The following HLX variants were observed in gnomAD, a reference collection of about 807,000 sequenced individuals.
HLX encodes the protein H2.0-like homeobox protein.
In HLX, 6 loss-of-function variants were observed where a neutral mutation model predicts 27.7. The ratio of observed to expected loss-of-function variants is 0.22; its 90% CI spans 0.12 to 0.43. HLX has a LOEUF of 0.43. Ranked by LOEUF, HLX falls within the 20% of genes least tolerant of loss-of-function variation. The pLI is 1.00. For synonymous variants in HLX, 328 were observed against 293.8 expected (o/e 1.12, Z -1.19); for missense variants, 666 against 655.2 (o/e 1.02, Z -0.18).
chr1:220,881,634 C>A (rs1674448256), intron 2 of HLX: 2 of 560,698 alleles, frequency 3.6e-6, no homozygotes, highest in Admixed American at 3.1e-5. Flanking sequence ...TTCTCGAAGT[C>A]TTTTCGCCCC....
rs760568441 is a variant in HLX, at chr1:220,884,470, C to T, written c.1233C>T (p.Val411=). Residue 411 remains valine, a synonymous_variant, in exon 4 of 4, where the codon GTC becomes GTT. Transcript: ENST00000366903. The surrounding 1 kb of genome is among the most constrained non-coding windows in gnomAD (Gnocchi z 4.9). ...LHQTTVIKAP[V]TGALITASSA... ...AAACAACAGTTATTAAGGCCCCGGT[C>T]ACTGGCGCCCTCATTACCGCCAGCA... 9 of 1,614,046 alleles carry T rather than the reference C, an allele frequency of 5.6e-6. No individual in the cohort carries two copies. In the Admixed American group the frequency reaches 1.5e-4, roughly 27 times the overall value.
At position 220,880,056 on chromosome 1, in the gene HLX, G is replaced by A; in HGVS notation, c.199G>A (p.Ala67Thr). 1 of 1,587,618 alleles carries A rather than the reference G, an allele frequency of 6.3e-7. No homozygotes were observed. The highest frequency in any genetic ancestry group is 1.1e-5 in the South Asian group (1 of 89,834). The change falls in exon 1 of 4, where the codon GCC becomes ACC. Residue 67 changes from alanine (A) to threonine (T), a missense_variant. Ala to Thr is a moderately conservative substitution (Grantham distance 58, BLOSUM62 0). Transcript: ENST00000366903. ...GGCGGCCCCGGAGGGCCTGGCAGGG[G>A]CCTCGGCCGCCGCCCTCACCGCGCA... Reference protein sequence around the residue: ...LGAAPEGLAGASAAALTAHLG... With the variant: ...LGAAPEGLAGTSAAALTAHLG...
At chr1:220,880,523 C>A in intron 1 of HLX, 74 bp downstream of exon 1, 3 of 1,513,426 alleles carry the variant, frequency 2.0e-6, no homozygotes, top group South Asian at 1.1e-5. Context: ...GCTTGGGGTG[C>A]CTTTGAGTGT....
At chr1:220,882,048 G>A in intron 2 of HLX, 116 bp from the exon 3 acceptor site, 1 of 923,714 alleles carries the variant, frequency 1.1e-6, no homozygotes, top group Non-Finnish European at 1.8e-6. Flanking sequence ...GGGTGGAATC[G>A]ACAGTTAACA....
Position 220,884,621 on chromosome 1 carries a change from G to A in HLX, c.1384G>A (p.Glu462Lys), listed in dbSNP as rs769686717. 1.2e-5 allele frequency: 20 copies of A among 1,609,434 alleles called. No individual in the cohort carries two copies. In the Admixed American group the frequency reaches 2.3e-4, roughly 19 times the overall value. Residue 462 changes from glutamate (E) to lysine (K), a missense_variant, in exon 4 of 4, where the codon GAG becomes AAG. Coordinates refer to ENST00000366903, the MANE Select transcript of HLX (RefSeq NM_021958.4). The surrounding 1 kb of genome is among the most constrained non-coding windows in gnomAD (Gnocchi z 4.9). ...ASSLGGGGASELLPATQPTAS... is the reference protein window; with the variant it reads ...ASSLGGGGASKLLPATQPTAS... Reference sequence around the variant, plus strand: ...CAGCCTTGGCGGCGGCGGCGCCTCGGAGCTTCTCCCTGCAACACAGCCCAC... The same window carrying A: ...CAGCCTTGGCGGCGGCGGCGCCTCGAAGCTTCTCCCTGCAACACAGCCCAC...
intron 3 of HLX, chr1:220,883,782 C>T (rs1674507729): frequency 9.8e-6 from 2 of 204,956 alleles, no homozygotes; most frequent in Non-Finnish European, 2.0e-5. Flanking sequence ...ATATCTTGGG[C>T]ATATGTGTAT....
chr1:220,882,339 G>T lies in HLX; in HGVS notation c.948G>T (p.Thr316=). 1 of 1,614,098 alleles carries T rather than the reference G, an allele frequency of 6.2e-7. No homozygotes were observed. Among genetic ancestry groups the T allele is most frequent in the African/African-American group, 1.3e-5 (1 of 75,066 alleles). ...RKQLAAMLGL[T]DAQVKVWFQN... ...AGCTGGCGGCGATGCTGGGCCTCAC[G>T]GACGCACAGGTAAGGCAGTTCTGGC... Residue 316 remains threonine (T), a synonymous_variant, in exon 3 of 4, where the codon ACG becomes ACT. Transcript: ENST00000366903.
rs1025189629 is a variant in HLX, at chr1:220,880,163, C to T, written c.306C>T (p.Ser102=). ...PLRPTPVVAP[S]EVPAGFPQRL... Reference sequence around the variant, plus strand: ...GACCCACCCCAGTGGTGGCGCCCTCCGAAGTCCCGGCTGGCTTCCCGCAGC... The same window carrying T: ...GACCCACCCCAGTGGTGGCGCCCTCTGAAGTCCCGGCTGGCTTCCCGCAGC... Residue 102 remains serine, a synonymous_variant, in exon 1 of 4, where the codon TCC becomes TCT. Coordinates refer to ENST00000366903, the MANE Select transcript of HLX (RefSeq NM_021958.4). 8.7e-6 allele frequency: 14 copies of T among 1,612,846 alleles called. No individual in the cohort carries two copies. The highest frequency in any genetic ancestry group is 1.1e-5 in the Non-Finnish European group (13 of 1,179,580).
At chr1:220,880,921 T>G (rs1674420250) in intron 1 of HLX, 1 of 470,254 alleles carries the variant, frequency 2.1e-6, no homozygotes, top group East Asian at 3.6e-5. Context: ...TGTGGCGTTC[T>G]TGGAAGACAC....
rs1674403823 is a variant in HLX at position 220,880,574 on chromosome 1, A to G, written c.592+125A>G. On this transcript the variant is annotated intron_variant, in intron 1 of 3. Coordinates refer to ENST00000366903, the MANE Select transcript of HLX (RefSeq NM_021958.4). ...CAAATCGGTAAAACGGGAGAGAAGA[A>G]AACGAATTGTAAGAAAACTACAAAA... is the stretch of plus-strand genomic sequence containing the variant. 4.8e-6 allele frequency: 5 copies of G among 1,034,578 alleles called. No individual in the cohort carries two copies. The African/African-American group carries it at 7.8e-5, about 16-fold the overall frequency. 64.1% of individuals were successfully genotyped at this position (1,034,578 alleles called of 1,614,324 possible). A position where few individuals can be genotyped will look rare whatever the true frequency, so the allele number is the denominator to read the frequency against.
chr1:220,879,511 A>T lies in HLX; in HGVS notation c.-347A>T. Reference sequence around the variant, plus strand: ...GTTTTAAATTTAGCTCTTAGGGCTTAGCTATTTGGGTTTTCTTGCGGTGTC... The same window carrying T: ...GTTTTAAATTTAGCTCTTAGGGCTTTGCTATTTGGGTTTTCTTGCGGTGTC... On this transcript the variant is annotated 5_prime_UTR_variant, in exon 1 of 4. Transcript: ENST00000366903. 1 of 333,352 alleles carries T rather than the reference A, an allele frequency of 3.0e-6. No individual in the cohort carries two copies. Among genetic ancestry groups the T allele is most frequent in the South Asian group, 4.7e-5 (1 of 21,278 alleles). The allele number at this position is 333,352 out of a possible 1,614,324, so 20.6% of individuals were successfully genotyped here.
chr1:220,884,244 A>G lies in HLX; in HGVS notation c.1007A>G (p.Glu336Gly). 2 of 1,613,898 alleles carry G rather than the reference A, an allele frequency of 1.2e-6. No homozygotes were observed. The highest frequency in any genetic ancestry group is 1.7e-6 in the Non-Finnish European group (2 of 1,179,988). ...CGGATGAAGTGGCGGCACTCCAAGG[A>G]GGCCCAGGCCCAAAAGGACAAGGAC... is the stretch of plus-strand genomic sequence containing the variant. ...NRRMKWRHSKEAQAQKDKDKE... is the reference protein window; with the variant it reads ...NRRMKWRHSKGAQAQKDKDKE... Residue 336 changes from glutamate to glycine, a missense_variant, in exon 4 of 4, where the codon GAG (glutamate) becomes GGG (glycine). Physicochemically the swap from Glu to Gly is moderately conservative, Grantham distance 98. Transcript: ENST00000366903. The surrounding 1 kb of genome is among the most constrained non-coding windows in gnomAD (Gnocchi z 4.9).
At chr1:220,880,522 G>C in intron 1 of HLX, 73 bp downstream of exon 1, 1 of 1,501,574 alleles carries the variant, frequency 6.7e-7, no homozygotes, top group Non-Finnish European at 9.3e-7. Context: ...GGCTTGGGGT[G>C]CCTTTGAGTG....
Position 220,879,447 on chromosome 1 carries a change from C to A in HLX, c.-411C>A. 7.1e-6 allele frequency: 1 copy of A among 140,932 alleles called. No individual in the cohort carries two copies. The highest frequency in any genetic ancestry group is 1.5e-5 in the Non-Finnish European group (1 of 66,772). 8.7% of individuals were successfully genotyped at this position (140,932 alleles called of 1,614,324 possible). A position where few individuals can be genotyped will look rare whatever the true frequency, so the allele number is the denominator to read the frequency against. On this transcript the variant is annotated 5_prime_UTR_variant, in exon 1 of 4. Transcript: ENST00000366903. ...GACGAGTTTTTTTTTTTTTCTATTA[C>A]TTTTCCCCCCCCCTAACTAACGGAC... is the stretch of plus-strand genomic sequence containing the variant.
At chr1:220,882,581 A>G (rs993623629) in intron 3 of HLX, 14 of 559,950 alleles carry the variant, frequency 2.5e-5, no homozygotes, top group African/African-American at 2.4e-4. Flanking sequence ...GTGTGTCAAC[A>G]AGCACTGCAT....
chr1:220,884,900 G>A lies in HLX; in HGVS notation c.*196G>A, dbSNP rs1674537463. On this transcript the variant is annotated 3_prime_UTR_variant, in exon 4 of 4. Transcript: ENST00000366903. The surrounding 1 kb of genome is among the most constrained non-coding windows in gnomAD (Gnocchi z 4.9). ...CTGCCCAAAGCAGAGGGGAGTCTCA[G>A]TGTCCTGCTAGCCAGCCGAACACTT... The A allele has an allele frequency of 1.2e-6, 1 of 847,662 alleles. No homozygotes were observed. The highest frequency in any genetic ancestry group is 1.8e-6 in the Non-Finnish European group (1 of 563,064). The allele number at this position is 847,662 out of a possible 1,614,324, so 52.5% of individuals were successfully genotyped here. A position where few individuals can be genotyped will look rare whatever the true frequency, so the allele number is the denominator to read the frequency against.
At chr1:220,881,062 C>G (rs1674424304) in intron 1 of HLX, 132 bp from the exon 2 acceptor site, 1 of 819,572 alleles carries the variant, frequency 1.2e-6, no homozygotes, top group Admixed American at 2.3e-5. Flanking sequence ...GAGGTTTCAG[C>G]GCCTAGACGG....
chr1:220,884,954 G>T lies in HLX; in HGVS notation c.*250G>T, dbSNP rs142138538. On this transcript the variant is annotated 3_prime_UTR_variant, in exon 4 of 4. Coordinates refer to ENST00000366903, the MANE Select transcript of HLX (RefSeq NM_021958.4). This position sits in a 1 kb window ranked among gnomAD's most constrained non-coding sequence, Gnocchi z 4.9. ...TCCGGAAGCAGGCTGGTTCGACTGT[G>T]AGGTGTTTGACTAAACTGTTTCTCT... is the stretch of plus-strand genomic sequence containing the variant. The T allele has an allele frequency of 9.2e-4, 556 of 601,332 alleles. 4 individuals are homozygous for T. The highest frequency in any genetic ancestry group is 9.1e-3 in the African/African-American group (494 of 54,236). The allele number at this position is 601,332 out of a possible 1,614,324, so 37.2% of individuals were successfully genotyped here. A position where few individuals can be genotyped will look rare whatever the true frequency, so the allele number is the denominator to read the frequency against.
Position 220,881,330 on chromosome 1 carries a change from C to T in HLX, c.729C>T (p.Asn243=), listed in dbSNP as rs1160692946. 1 of 1,614,110 alleles carries T rather than the reference C, an allele frequency of 6.2e-7. No homozygotes were observed. The highest frequency in any genetic ancestry group is 2.2e-5 in the East Asian group (1 of 44,882). Residue 243 remains asparagine (N), a synonymous_variant, in exon 2 of 4, where the codon AAC becomes AAT. Transcript: ENST00000366903. ...CAATCCTGAGTCCCTTAAACTCGAA[C>T]CCAAGAAATTCAGTTCAGCATCAGT... ...ASAILSPLNS[N]PRNSVQHQFQ...
Sources: allele counts gnomAD v4.1 joint callset, GRCh38; gene constraint gnomAD v4.1.1; non-coding constraint Gnocchi (gnomAD v3.1); transcripts MANE v1.5; gene names NCBI Gene and HGNC (gene_info 2026-07-23, HGNC 2026-07-21).